ABLIM1: variants seen among roughly 807,000 people sequenced by gnomAD.
The protein encoded by ABLIM1 is actin binding LIM protein 1.
In ABLIM1, 40 loss-of-function variants were observed where a neutral mutation model predicts 107.0. That is an observed-to-expected ratio of 0.37 (90% CI 0.29 to 0.49). The LOEUF is 0.49. ABLIM1 is among the 20% of genes least tolerant of loss of function. ABLIM1 has a pLI of 0.97. For synonymous variants in ABLIM1, 357 were observed against 357.3 expected, an observed-to-expected ratio of 1.00 and a Z score of 0.01; for missense variants, 857 against 1,008.5, an observed-to-expected ratio of 0.85 and a Z score of 2.04.
chr10:114,613,616 T>C (rs1456938529), intron 1 of ABLIM1: 13 of 1,242,520 alleles, frequency 1.0e-5, no homozygotes, highest in Non-Finnish European at 1.3e-5. Context: ...AAAGGCACTC[T>C]TGCTCTTGCA....
chr10:114,660,019 T>C (rs781179643), upstream of ABLIM1, among the ~76,000 whole-genome samples: 6 of 152,212 alleles, frequency 3.9e-5, no homozygotes, highest in Non-Finnish European at 7.3e-5. Flanking sequence ...TCTATGCCAA[T>C]GTGAAGCACG....
chr10:114,749,483 C>CACACACACACAT (rs540676948), intron 1 of ABLIM1, among the ~76,000 whole-genome samples: 265 of 150,700 alleles, frequency 1.8e-3, no homozygotes, highest in Middle Eastern at 0.017. Context: ...CACACACACA[C>CACACACACACAT]ACCACAAAAC....
At chr10:114,749,543 C>T (rs2082465235) in intron 1 of ABLIM1, among the ~76,000 whole-genome samples, 1 of 151,364 alleles carries the variant, frequency 6.6e-6, no homozygotes, top group Non-Finnish European at 1.5e-5. Flanking sequence ...AGTCACAGAT[C>T]AGGGGTACTC....
chr10:114,779,996 G>C, the ABLIM1 span: 1 of 151,920 alleles, frequency 6.6e-6, no homozygotes, highest in East Asian at 1.9e-4. Flanking sequence ...CATATTAAAA[G>C]GGTTGTGTAC....
At chr10:114,574,517 G>A (rs2072199600) in intron 3 of ABLIM1, among the ~76,000 whole-genome samples, 1 of 151,914 alleles carries the variant, frequency 6.6e-6, no homozygotes, top group Admixed American at 6.6e-5. Flanking sequence ...TCGGCTCACT[G>A]CAACCTCCGC....
At chr10:114,709,409 G>A (rs1056060264) in intron 1 of ABLIM1, among the ~76,000 whole-genome samples, 4 of 152,172 alleles carry the variant, frequency 2.6e-5, no homozygotes, top group Admixed American at 6.5e-5. Flanking sequence ...TCAACATAGA[G>A]TCAAAACAGA....
At chr10:114,659,575 G>A (rs757138401), upstream of ABLIM1, among the ~76,000 whole-genome samples, 2 of 152,124 alleles carry the variant, frequency 1.3e-5, no homozygotes, top group Non-Finnish European at 2.9e-5. Flanking sequence ...ATTCTTGCAC[G>A]TAAAGGTCAG....
At chr10:114,553,250 G>T (rs2068300475) in intron 4 of ABLIM1, among the ~76,000 whole-genome samples, 1 of 152,204 alleles carries the variant, frequency 6.6e-6, no homozygotes, top group African/African-American at 2.4e-5. Context: ...TCCCAGGCCT[G>T]CATGCTTCGA....
chr10:114,642,645 T>C (rs1258825196), intron 1 of ABLIM1, among the ~76,000 whole-genome samples: 4 of 152,110 alleles, frequency 2.6e-5, no homozygotes, highest in Non-Finnish European at 5.9e-5. Context: ...TACACAAGAA[T>C]ACCTCTGAAA....
rs71473045 is a variant in ABLIM1, at chr10:114,491,012, G to GTATATATATATATATATA, written c.982+778_982+779insTATATATATATATATATA. 2.7e-4 allele frequency among the ~76,000 whole-genome samples: 25 copies of GTATATATATATATATATA among 92,368 alleles called. No homozygotes were observed. In the East Asian group the frequency reaches 3.6e-3, roughly 13 times the overall value. The allele number at this position is 92,368 out of a possible 152,430, so 60.6% of individuals were successfully genotyped here. On this transcript the variant is annotated intron_variant, in intron 7 of 22. Transcript: ENST00000533213. ...TGTGTGTGTGTGTGTGTGTGTGTGT[G>GTATATATATATATATATA]TATATATATATATGGTCTATTTTAT...
At chr10:114,461,382 A>G (rs1222663499) in intron 12 of ABLIM1, among the ~76,000 whole-genome samples, 1 of 140,226 alleles carries the variant, frequency 7.1e-6, no homozygotes, top group African/African-American at 2.8e-5. Flanking sequence ...TTTAAAATAC[A>G]CAACTGAAGG....
At chr10:114,545,940 A>AC (rs1171729967) in intron 5 of ABLIM1, among the ~76,000 whole-genome samples, 1 of 115,998 alleles carries the variant, frequency 8.6e-6, no homozygotes, top group Non-Finnish European at 2.1e-5. Flanking sequence ...CAAAAAAAAA[A>AC]AACAAAAAAA....
chr10:114,464,997 G>A (rs918366936), intron 12 of ABLIM1, among the ~76,000 whole-genome samples: 1 of 152,180 alleles, frequency 6.6e-6, no homozygotes, highest in African/African-American at 2.4e-5. Flanking sequence ...TAGCTACAGA[G>A]ACTAAATTCT....
rs909213475 is a variant in ABLIM1, at chr10:114,580,205, T to C, written c.380-4606A>G. On this transcript the variant is annotated intron_variant, in intron 2 of 22. Coordinates refer to ENST00000533213, the MANE Select transcript of ABLIM1 (RefSeq NM_002313.7). ...TTATTTTAATATTATATATTATATA[T>C]TATATATATATATATTTTTTAGACA... Among the ~76,000 whole-genome samples the C allele has an allele frequency of 1.0e-4, 15 of 144,882 alleles. No homozygotes were observed. The South Asian group carries it at 3.2e-3, about 31-fold the overall frequency.
At chr10:114,764,369 T>G (rs1204034707) in intron 1 of ABLIM1, among the ~76,000 whole-genome samples, 1 of 152,174 alleles carries the variant, frequency 6.6e-6, no homozygotes. Context: ...TTAAATTGAT[T>G]TATTTGTTTG....
intron 1 of ABLIM1, chr10:114,690,638 T>A (rs561852289): frequency 1.8e-5 from 13 of 724,876 alleles, no homozygotes; most frequent in African/African-American, 1.6e-4. Context: ...TGGGATTGAC[T>A]ATGGCTGATA....
At position 114,538,458 on chromosome 10, in the gene ABLIM1, T is replaced by C. The variant is rs1414749082; in HGVS notation, c.894+6547A>G. Among the ~76,000 whole-genome samples the C allele has an allele frequency of 1.3e-5, 2 of 152,144 alleles. 1 individual carries two copies. The highest frequency in any genetic ancestry group is 2.9e-5 in the Non-Finnish European group (2 of 68,028). On this transcript the variant is annotated intron_variant, in intron 6 of 22. Coordinates refer to ENST00000533213, the MANE Select transcript of ABLIM1 (RefSeq NM_002313.7). ...CAGGGTCTAGAGGACTTCCCTCGGC[T>C]CCATCTGAGGCTCTTTCTTATGTGG...
At chr10:114,756,517 T>C (rs932822746) in intron 1 of ABLIM1, among the ~76,000 whole-genome samples, 4 of 152,188 alleles carry the variant, frequency 2.6e-5, no homozygotes, top group African/African-American at 4.8e-5. Flanking sequence ...ATTTTTATAA[T>C]ATTGTGTCTT....
chr10:114,587,129 T>G (rs1490616843), intron 2 of ABLIM1, among the ~76,000 whole-genome samples: 2 of 152,216 alleles, frequency 1.3e-5, no homozygotes, highest in Non-Finnish European at 2.9e-5. Context: ...CCCAAGCTTT[T>G]CATAGAACAC....
Sources: allele counts gnomAD v4.1 joint callset (sites outside exome capture counted in the v4.1 genomes callset), GRCh38; gene constraint gnomAD v4.1.1; transcripts MANE v1.5; gene names NCBI Gene and HGNC (gene_info 2026-07-23, HGNC 2026-07-21).